THAP2: variants seen among roughly 807,000 people sequenced by gnomAD.
THAP2 encodes the protein THAP domain containing 2, also known as THAP domain-containing protein 2.
In THAP2, 16 loss-of-function variants were observed where a neutral mutation model predicts 18.8. That is an observed-to-expected ratio of 0.85 (90% CI 0.58 to 1.29). THAP2 has a LOEUF of 1.29. Among genes scored for constraint, THAP2 ranks in the 50% most tolerant of loss-of-function variants. The pLI is 0.00. For synonymous variants in THAP2, 80 were observed against 89.2 expected, an observed-to-expected ratio of 0.90 and a Z score of 0.58; for missense variants, 251 against 265.3, an observed-to-expected ratio of 0.95 and a Z score of 0.38.
At chr12:71,664,627 G>T (rs1401438522) in intron 1 of THAP2, 47 bp downstream of exon 1, 1 of 1,604,220 alleles carries the variant, frequency 6.2e-7, no homozygotes, top group East Asian at 2.2e-5. Flanking sequence ...AGTTCCTATT[G>T]TGGCTATCGC....
At position 71,676,090 on chromosome 12, in the gene THAP2, T is replaced by C. The variant is rs1320143335; in HGVS notation, c.268-599T>C. Among the ~76,000 whole-genome samples the C allele has an allele frequency of 8.5e-5, 13 of 152,132 alleles. No homozygotes were observed. The East Asian group carries it at 2.3e-3, about 27-fold the overall frequency. On this transcript the variant is annotated intron_variant, in intron 2 of 2. Coordinates refer to ENST00000308086, the MANE Select transcript of THAP2 (RefSeq NM_031435.4). ...TAGAATTAATAGGACTTGATGACCA[T>C]TTGAATGAAAGAGATAAAAGCAAAA...
chr12:71,676,886 C>T lies in THAP2; in HGVS notation c.465C>T (p.Cys155=). 6.2e-7 allele frequency: 1 copy of T among 1,613,574 alleles called. No homozygotes were observed. The highest frequency in any genetic ancestry group is 8.5e-7 in the Non-Finnish European group (1 of 1,179,654). ...GCTTAAGAAGAAAAATGAAAACTTG[C>T]CTACAAAAGGAACGCAGAGCAACTC... ...IASLRRKMKT[C]LQKERRATRR... Residue 155 remains cysteine, a synonymous_variant, in exon 3 of 3, where the codon TGC becomes TGT. Transcript: ENST00000308086.
intron 1 of THAP2, chr12:71,668,053 C>T (rs1432389683): frequency 2.6e-5 from 4 of 152,160 alleles, no homozygotes; most frequent in African/African-American, 9.7e-5. Flanking sequence ...TGTTAACAAT[C>T]AGCTCCCACA....
In THAP2 at chr12:71,676,678, A is replaced by G. The variant is rs113793719; in HGVS notation, c.268-11A>G. 3.3e-5 allele frequency: 51 copies of G among 1,564,244 alleles called. 1 individual carries two copies. The African/African-American group carries it at 4.4e-4, about 14-fold the overall frequency. On this transcript the variant is annotated splice_polypyrimidine_tract_variant and intron_variant, in intron 2 of 2. Transcript: ENST00000308086. ...AATTTATGTTCAACCCTCTAATTTT[A>G]TTCGGCTCAGAAACTCAAGTCAAGG...
At chr12:71,672,995 CACT>C (rs548266071) in intron 1 of THAP2, among the ~76,000 whole-genome samples, 117 of 152,194 alleles carry the variant, frequency 7.7e-4, no homozygotes, top group African/African-American at 2.7e-3. Context: ...TTATTGAGCT[CACT>C]ACAATAGAAG....
chr12:71,674,081 A>T, intron 1 of THAP2, 122 bp from the exon 2 acceptor site: 1 of 942,158 alleles, frequency 1.1e-6, no homozygotes, highest in Non-Finnish European at 1.5e-6. Context: ...GGATATTGTT[A>T]GTTTAAAATT....
chr12:71,664,505 G>C lies in THAP2; in HGVS notation c.-5G>C. On this transcript the variant is annotated 5_prime_UTR_variant, in exon 1 of 3. Transcript: ENST00000308086. ...CTAAGGGCGCTGAATGAGTGGGAAA[G>C]GGAAATGCCGACCAATTGCGCTGCG... 1.9e-6 allele frequency: 3 copies of C among 1,614,180 alleles called. No homozygotes were observed. The highest frequency in any genetic ancestry group is 2.5e-6 in the Non-Finnish European group (3 of 1,180,020).
rs1420639741 is a variant in THAP2 at position 71,679,542 on chromosome 12, G to C, written c.*2434G>C. ...CACAACACAGATCTTCTGTTCATTTGTTCTCTGTCTACTGGGCACCAACCT... is the reference window on the plus strand; with the variant it reads ...CACAACACAGATCTTCTGTTCATTTCTTCTCTGTCTACTGGGCACCAACCT... On this transcript the variant is annotated 3_prime_UTR_variant, in exon 3 of 3. Transcript: ENST00000308086. 1 of 151,572 alleles carries C rather than the reference G, an allele frequency of 6.6e-6. No individual in the cohort carries two copies. The highest frequency in any genetic ancestry group is 1.9e-4 in the East Asian group (1 of 5,176). 9.4% of individuals were successfully genotyped at this position (151,572 alleles called of 1,614,324 possible).
At chr12:71,673,548 A>G (rs987085814) in intron 1 of THAP2, among the ~76,000 whole-genome samples, 20 of 152,204 alleles carry the variant, frequency 1.3e-4, no homozygotes, top group African/African-American at 4.8e-4. Flanking sequence ...TTTGCTGTTT[A>G]CATACAGTAT....
chr12:71,676,682 G>A lies in THAP2; in HGVS notation c.268-7G>A, dbSNP rs370806790. 77 of 1,563,440 alleles carry A rather than the reference G, an allele frequency of 4.9e-5. No homozygotes were observed. Among genetic ancestry groups the A allele is most frequent in the Middle Eastern group, 1.7e-4 (1 of 5,812 alleles). Reference sequence around the variant, plus strand: ...TATGTTCAACCCTCTAATTTTATTCGGCTCAGAAACTCAAGTCAAGGAATC... The same window carrying A: ...TATGTTCAACCCTCTAATTTTATTCAGCTCAGAAACTCAAGTCAAGGAATC... On this transcript the variant is annotated splice_polypyrimidine_tract_variant and splice_region_variant and intron_variant, in intron 2 of 2. Transcript: ENST00000308086.
In THAP2 at chr12:71,664,479, C is replaced by T; in HGVS notation, c.-31C>T. The T allele has an allele frequency of 1.2e-6, 2 of 1,613,698 alleles. No individual in the cohort carries two copies. Among genetic ancestry groups the T allele is most frequent in the South Asian group, 1.1e-5 (1 of 91,070 alleles). On this transcript the variant is annotated 5_prime_UTR_variant, in exon 1 of 3. Coordinates refer to ENST00000308086, the MANE Select transcript of THAP2 (RefSeq NM_031435.4). Reference sequence around the variant, plus strand: ...TTAGCAGCCAGCGCCTCAGTAGAGACCTAAGGGCGCTGAATGAGTGGGAAA... The same window carrying T: ...TTAGCAGCCAGCGCCTCAGTAGAGATCTAAGGGCGCTGAATGAGTGGGAAA...
At position 71,676,736 on chromosome 12, in the gene THAP2, A is replaced by T. The variant is rs958157949; in HGVS notation, c.315A>T (p.Pro105=). The change falls in exon 3 of 3, where the codon CCA becomes CCT. Residue 105 remains proline (P), a synonymous_variant. Transcript: ENST00000308086. ...TGAAGAAAAACAACAGTTGTTCTCC[A>T]GCTGGACCATCTAATTTAAAATCAA... is the stretch of plus-strand genomic sequence containing the variant. ...NLLKKNNSCS[P]AGPSNLKSNI... The T allele has an allele frequency of 3.7e-6, 6 of 1,604,578 alleles. No individual in the cohort carries two copies. In the African/African-American group the frequency reaches 6.7e-5, roughly 18 times the overall value.
At chr12:71,675,904 G>C (rs1318605136) in intron 2 of THAP2, among the ~76,000 whole-genome samples, 1 of 151,970 alleles carries the variant, frequency 6.6e-6, no homozygotes, top group African/African-American at 2.4e-5. Context: ...AAAATGAAGT[G>C]GAGAGATCAA....
intron 1 of THAP2, among the ~76,000 whole-genome samples, chr12:71,666,196 A>G (rs1881339797): frequency 6.6e-6 from 1 of 152,102 alleles, no homozygotes; most frequent in African/African-American, 2.4e-5. Flanking sequence ...GATAGATGAG[A>G]GAGGGGAGTC....
At chr12:71,666,244 TCA>T (rs1881340567) in intron 1 of THAP2, among the ~76,000 whole-genome samples, 1 of 152,158 alleles carries the variant, frequency 6.6e-6, no homozygotes, top group Admixed American at 6.5e-5. Flanking sequence ...GTGTGGTGGC[TCA>T]CACCTGTAAT....
intron 2 of THAP2, among the ~76,000 whole-genome samples, chr12:71,676,325 T>G (rs1212012728): frequency 1.3e-5 from 2 of 152,128 alleles, no homozygotes; most frequent in Non-Finnish European, 2.9e-5. Context: ...ATCAAATTAA[T>G]ATCATAAATA....
At position 71,665,079 on chromosome 12, in the gene THAP2, A is replaced by T. The variant is rs947412804; in HGVS notation, c.71+499A>T. The T allele has an allele frequency of 6.0e-6, 4 of 663,946 alleles. No individual in the cohort carries two copies. The Admixed American group carries it at 6.9e-5, about 11-fold the overall frequency. The allele number at this position is 663,946 out of a possible 1,614,324, so 41.1% of individuals were successfully genotyped here. A position where few individuals can be genotyped will look rare whatever the true frequency, so the allele number is the denominator to read the frequency against. ...GCCATGGAATTAAGCGATGTTAATT[A>T]AAGTGCAAAAGATAACCTTTCTGTT... is the stretch of plus-strand genomic sequence containing the variant. On this transcript the variant is annotated intron_variant, in intron 1 of 2. Transcript: ENST00000308086.
chr12:71,680,592 T>C lies in THAP2; in HGVS notation c.*3484T>C, dbSNP rs1881584942. 1 of 152,438 alleles carries C rather than the reference T, an allele frequency of 6.6e-6. No individual in the cohort carries two copies. Among genetic ancestry groups the C allele is most frequent in the East Asian group, 1.9e-4 (1 of 5,196 alleles). 9.4% of individuals were successfully genotyped at this position (152,438 alleles called of 1,614,324 possible). A position where few individuals can be genotyped will look rare whatever the true frequency, so the allele number is the denominator to read the frequency against. Reference sequence around the variant, plus strand: ...TAGTGTATACTAAATAATTGCATATTCAAAAAAATGTATTCTGAGTATGGT... The same window carrying C: ...TAGTGTATACTAAATAATTGCATATCCAAAAAAATGTATTCTGAGTATGGT... On this transcript the variant is annotated 3_prime_UTR_variant, in exon 3 of 3. Transcript: ENST00000308086.
chr12:71,665,374 A>G (rs1881316797), intron 1 of THAP2: 1 of 160,490 alleles, frequency 6.2e-6, no homozygotes, highest in Non-Finnish European at 1.4e-5. Context: ...TAGAAATTAT[A>G]TCCTTGACCT....
Sources: allele counts gnomAD v4.1 joint callset (sites outside exome capture counted in the v4.1 genomes callset), GRCh38; gene constraint gnomAD v4.1.1; transcripts MANE v1.5; gene names NCBI Gene and HGNC (gene_info 2026-07-23, HGNC 2026-07-21).